The following ZSWIM4 variants were observed in gnomAD, a reference collection of about 807,000 sequenced individuals.
The protein encoded by ZSWIM4 is zinc finger SWIM domain-containing protein 4.
A neutral mutation model predicts 102.5 loss-of-function variants in ZSWIM4; 62 were observed. That is an observed-to-expected ratio of 0.60 (90% CI 0.49 to 0.75). The LOEUF (loss-of-function observed/expected upper bound fraction) is 0.75. ZSWIM4 is among the 30% of genes least tolerant of loss of function. ZSWIM4 has a pLI of 0.00. For missense variants in ZSWIM4, 1,280 were observed against 1,529.6 expected (o/e 0.84, Z 2.72); for synonymous variants, 652 against 674.5 (o/e 0.97, Z 0.52).
At position 13,823,350 on chromosome 19, in the gene ZSWIM4, C is replaced by T. The variant is rs1400409205; in HGVS notation, c.2065C>T (p.Pro689Ser). The T allele has an allele frequency of 5.6e-6, 9 of 1,613,276 alleles. No individual in the cohort carries two copies. Among genetic ancestry groups the T allele is most frequent in the Non-Finnish European group, 6.8e-6 (8 of 1,179,570 alleles). ...YRLALRAMRL[P>S]ILETAFPAGE... ...CTCACTTCTCCCCTTACCCAGGCTG[C>T]CCATACTGGAGACAGCATTTCCTGC... The change falls in exon 11 of 14, where the codon CCC becomes TCC. Residue 689 changes from proline to serine, a missense_variant. Pro to Ser is a moderately conservative substitution (Grantham distance 74). Transcript: ENST00000590508.
intron 7 of ZSWIM4, among the ~76,000 whole-genome samples, chr19:13,816,010 T>G (rs948370777): frequency 0.095 from 3,541 of 37,436 alleles, no homozygotes; most frequent in Middle Eastern, 0.12. Context: ...AAGAAAGAGG[T>G]GGGGAGGGAG....
At chr19:13,827,887 G>T (rs1975654409) in intron 12 of ZSWIM4, among the ~76,000 whole-genome samples, 1 of 152,162 alleles carries the variant, frequency 6.6e-6, no homozygotes, top group South Asian at 2.1e-4. Context: ...GTACTTAGAG[G>T]CAAGAGAGAG....
At chr19:13,827,247 G>A (rs925405457) in intron 12 of ZSWIM4, among the ~76,000 whole-genome samples, 3 of 150,962 alleles carry the variant, frequency 2.0e-5, no homozygotes, top group Non-Finnish European at 3.0e-5. Flanking sequence ...CTATGATCGC[G>A]CCACTGTACT....
At chr19:13,808,713 T>C in intron 3 of ZSWIM4, 123 bp from the exon 4 acceptor site, 2 of 1,069,100 alleles carry the variant, frequency 1.9e-6, no homozygotes, top group Non-Finnish European at 2.6e-6. Context: ...CACTCCAGCC[T>C]GGGCAAGAAG....
At chr19:13,798,901 G>A (rs1448227387) in intron 1 of ZSWIM4, among the ~76,000 whole-genome samples, 4 of 152,150 alleles carry the variant, frequency 2.6e-5, no homozygotes, top group Admixed American at 6.5e-5. Context: ...TGGTTCTCGC[G>A]CCTCAGCCTC....
At chr19:13,823,527 T>C (rs1303549985) in intron 11 of ZSWIM4, 27 bp downstream of exon 11, 1 of 1,550,552 alleles carries the variant, frequency 6.4e-7, no homozygotes, top group Non-Finnish European at 8.7e-7. Flanking sequence ...TCCCGATTCC[T>C]TTGTCTTCCT....
intron 3 of ZSWIM4, 55 bp downstream of exon 3, chr19:13,805,203 C>G: frequency 6.9e-7 from 1 of 1,455,404 alleles, no homozygotes; most frequent in East Asian, 2.3e-5. Flanking sequence ...CACAGCCACG[C>G]CACTTGCTGT....
rs746929747 is a variant in ZSWIM4, at chr19:13,805,066, C to A, written c.630C>A (p.Ala210=). The change falls in exon 3 of 14, where the codon GCC becomes GCA. Residue 210 remains alanine (A), a synonymous_variant. Coordinates refer to ENST00000590508, the MANE Select transcript of ZSWIM4 (RefSeq NM_001367834.3). The part of the protein sequence containing the change: ...LQKFVQYLIS[A]HHTEVLPTAQ... Reference sequence around the variant, plus strand: ...AGTTCGTGCAGTACCTCATCAGCGCCCATCACACTGAGGTGCTGCCCACTG... The same window carrying A: ...AGTTCGTGCAGTACCTCATCAGCGCACATCACACTGAGGTGCTGCCCACTG... 8.7e-6 allele frequency: 14 copies of A among 1,608,816 alleles called. No individual in the cohort carries two copies. The highest frequency in any genetic ancestry group is 1.2e-5 in the Non-Finnish European group (14 of 1,179,998).
chr19:13,815,558 C>T (rs907496751), intron 7 of ZSWIM4, among the ~76,000 whole-genome samples: 4 of 145,984 alleles, frequency 2.7e-5, no homozygotes, highest in African/African-American at 1.0e-4. Flanking sequence ...GCAACCTCTG[C>T]CTCCCAGGTT....
chr19:13,801,547 G>T (rs1974770842), intron 2 of ZSWIM4, among the ~76,000 whole-genome samples: 1 of 152,190 alleles, frequency 6.6e-6, no homozygotes, highest in Non-Finnish European at 1.5e-5. Context: ...AGAGCCACAG[G>T]TGAGAGTCTT....
chr19:13,820,299 C>A (rs111229423), intron 10 of ZSWIM4, among the ~76,000 whole-genome samples: 42 of 152,152 alleles, frequency 2.8e-4, no homozygotes, highest in African/African-American at 9.9e-4. Context: ...AAAGTGGTGC[C>A]ATCTCTGCTC....
At position 13,825,786 on chromosome 19, in the gene ZSWIM4, C is replaced by A; in HGVS notation, c.2379+73C>A. 1.3e-6 allele frequency: 2 copies of A among 1,516,374 alleles called. No homozygotes were observed. Among genetic ancestry groups the A allele is most frequent in the South Asian group, 2.5e-5 (2 of 80,276 alleles). The allele number at this position is 1,516,374 out of a possible 1,614,324, so 93.9% of individuals were successfully genotyped here. A position where few individuals can be genotyped will look rare whatever the true frequency, so the allele number is the denominator to read the frequency against. Reference sequence around the variant, plus strand: ...AGGACTGACTGTGAGCTGCGCCTCCCGGGGCATGGGCTGAGTGTGAGCCAC... The same window carrying A: ...AGGACTGACTGTGAGCTGCGCCTCCAGGGGCATGGGCTGAGTGTGAGCCAC... On this transcript the variant is annotated intron_variant, in intron 12 of 13. Transcript: ENST00000590508. This position sits in a 1 kb window ranked among gnomAD's most constrained non-coding sequence, Gnocchi z 4.6.
In ZSWIM4 at chr19:13,805,683, C is replaced by T. The variant is rs944936867; in HGVS notation, c.712+535C>T. On this transcript the variant is annotated intron_variant, in intron 3 of 13. Transcript: ENST00000590508. ...GTGCTGGGTGGGTACAGAAAGTGTTCGTGATTGGCTGGGCGCAGGGGCTCA... is the reference window on the plus strand; with the variant it reads ...GTGCTGGGTGGGTACAGAAAGTGTTTGTGATTGGCTGGGCGCAGGGGCTCA... 8.6e-5 allele frequency among the ~76,000 whole-genome samples: 13 copies of T among 151,626 alleles called. No individual in the cohort carries two copies. The East Asian group carries it at 1.6e-3, about 18-fold the overall frequency.
chr19:13,816,972 G>C (rs1379324112), intron 7 of ZSWIM4, among the ~76,000 whole-genome samples: 1 of 152,144 alleles, frequency 6.6e-6, no homozygotes, highest in Non-Finnish European at 1.5e-5. Flanking sequence ...CCCTTTGGGA[G>C]GCCGAAGCAG....
At chr19:13,798,359 G>A (rs527757173) in intron 1 of ZSWIM4, among the ~76,000 whole-genome samples, 3 of 152,036 alleles carry the variant, frequency 2.0e-5, no homozygotes, top group Non-Finnish European at 4.4e-5. Context: ...TGTTGCTCAC[G>A]CTGGTCTGGA....
intron 11 of ZSWIM4, 135 bp downstream of exon 11, chr19:13,823,635 A>G: frequency 9.4e-7 from 1 of 1,059,104 alleles, no homozygotes; most frequent in Non-Finnish European, 1.3e-6. Context: ...TCCTATATGT[A>G]CCGGACACTG....
chr19:13,819,607 GTC>G (rs1199681935), intron 10 of ZSWIM4, 115 bp downstream of exon 10: 1 of 1,245,148 alleles, frequency 8.0e-7, no homozygotes, highest in Non-Finnish European at 1.1e-6. Context: ...AGTTAATTCA[GTC>G]TCTCTCACCC....
rs1373923163 is a variant in ZSWIM4, at chr19:13,817,321, G to A, written c.1637G>A (p.Arg546His). ...TGCAGGGCGCTCCTGGAGGCCTGTC[G>A]TCTGGAGGAGGAGACACTTACCCTT... ...CLCRALLEAC[R>H]LEEETLTLYP... The change falls in exon 8 of 14, where the codon CGT becomes CAT. Residue 546 changes from arginine to histidine, a missense_variant. Transcript: ENST00000590508. 3 of 1,613,956 alleles carry A rather than the reference G, an allele frequency of 1.9e-6. No homozygotes were observed. Among genetic ancestry groups the A allele is most frequent in the South Asian group, 1.1e-5 (1 of 91,066 alleles).
In ZSWIM4 at chr19:13,825,710, GCAGGTGAGGGCTGC is replaced by G; in HGVS notation, c.2379+4_2379+17del. On this transcript the variant is annotated splice_donor_variant and splice_donor_5th_base_variant and coding_sequence_variant and intron_variant, in exon 12 of 14. Coordinates refer to ENST00000590508, the MANE Select transcript of ZSWIM4 (RefSeq NM_001367834.3). LOFTEE classifies it high-confidence loss of function. The surrounding 1 kb of genome is among the most constrained non-coding windows in gnomAD (Gnocchi z 4.6). ...TGGGCATCGCACTGGAGCTGGGGCT[GCAGGTGAGGGCTGC>G]CAGGTGGATGCGGGAGGGCGATGGT... 6 of 1,607,352 alleles carry G rather than the reference GCAGGTGAGGGCTGC, an allele frequency of 3.7e-6. No homozygotes were observed. Among genetic ancestry groups the G allele is most frequent in the Non-Finnish European group, 5.1e-6 (6 of 1,178,942 alleles).
Sources: gnomAD v4.1 joint callset for allele counts (sites outside exome capture counted in the v4.1 genomes callset) on GRCh38, gnomAD v4.1.1 for gene constraint, Gnocchi (gnomAD v3.1) non-coding constraint, MANE v1.5 for transcripts, NCBI Gene and HGNC (gene_info 2026-07-23, HGNC 2026-07-21) for gene names.